CRLF2: variants seen among roughly 807,000 people sequenced by gnomAD.
CRLF2 encodes the protein cytokine receptor-like factor 2.
Under a neutral mutation model 38.7 loss-of-function variants are expected in CRLF2, and 41 were observed. The ratio of observed to expected loss-of-function variants is 1.06; its 90% CI spans 0.83 to 1.37. CRLF2 has a LOEUF of 1.37. CRLF2 is among the 40% of genes most tolerant of loss of function. The pLI, the probability that CRLF2 is intolerant of heterozygous loss-of-function variation, is 0.00. For missense variants in CRLF2, 377 were observed against 322.2 expected (o/e 1.17, Z -1.30); for synonymous variants, 140 against 128.8 (o/e 1.09, Z -0.59).
chrX:1,196,946 C>G, intron 5 of CRLF2, 46 bp from the exon 6 acceptor site: 1 of 1,582,894 alleles, frequency 6.3e-7, no homozygotes, highest in Non-Finnish European at 8.6e-7. Context: ...ACATGACGTG[C>G]GGCTGTACGT....
intron 1 of CRLF2, among the ~76,000 whole-genome samples, chrX:1,211,633 G>GTGGA (rs1204699923): frequency 7.5e-5 from 7 of 92,762 alleles, no homozygotes; most frequent in Admixed American, 2.3e-4. Flanking sequence ...GGATGGATGG[G>GTGGA]TGGATGGATG....
At chrX:1,197,616 C>G (rs1422861048) in intron 5 of CRLF2, among the ~76,000 whole-genome samples, 1 of 151,590 alleles carries the variant, frequency 6.6e-6, no homozygotes, top group Admixed American at 6.6e-5. Flanking sequence ...GAGTTCGAGA[C>G]CAGCCTGGCC....
chrX:1,209,424 C>G (rs1368260446), intron 1 of CRLF2, among the ~76,000 whole-genome samples: 1 of 151,614 alleles, frequency 6.6e-6, no homozygotes, highest in African/African-American at 2.4e-5. Context: ...CTCCGCCTCC[C>G]GGGTTCACGC....
rs559515570 is a variant in CRLF2 at position 1,205,054 on chromosome X, A to G, written c.349+1379T>C. ...GTTGGTGAGGCTGGTCTCGAACTCC[A>G]GACCTCAAGTGATCCGCCCGCCTTG... On this transcript the variant is annotated intron_variant, in intron 3 of 7. Transcript: ENST00000400841. 1.4e-4 allele frequency among the ~76,000 whole-genome samples: 21 copies of G among 152,116 alleles called. No individual in the cohort carries two copies. In the South Asian group the frequency reaches 4.1e-3, roughly 30 times the overall value.
Position 1,196,889 on chromosome X carries a change from C to G in CRLF2, c.658G>C (p.Glu220Gln), listed in dbSNP as rs1194883530. 6.2e-7 allele frequency: 1 copy of G among 1,613,228 alleles called. No individual in the cohort carries two copies. The highest frequency in any genetic ancestry group is 8.5e-7 in the Non-Finnish European group (1 of 1,179,610). The change falls in exon 6 of 8, where the codon GAG (glutamate) becomes CAG (glutamine). Residue 220 changes from glutamate (E) to glutamine (Q), a missense_variant. Glu to Gln is a conservative substitution (Grantham distance 29). Coordinates refer to ENST00000400841, the MANE Select transcript of CRLF2 (RefSeq NM_022148.4). ...TTTGGTTTGGGAGGCGTTGGTGTCT[C>G]TGCACAGGCATCTGAAACAAAATGA... is the stretch of plus-strand genomic sequence containing the variant. ...QRGEIRDACA[E>Q]TPTPPKPKLS...
At chrX:1,191,765 A>C (rs2086385028) in intron 7 of CRLF2, among the ~76,000 whole-genome samples, 1 of 151,560 alleles carries the variant, frequency 6.6e-6, no homozygotes, top group Non-Finnish European at 1.5e-5. Context: ...TCCCGACCTC[A>C]GGTGATCCAC....
chrX:1,197,123 C>T (rs1256650622), intron 5 of CRLF2, among the ~76,000 whole-genome samples: 1 of 133,226 alleles, frequency 7.5e-6, no homozygotes, highest in Non-Finnish European at 1.5e-5. Context: ...GACAGAACCT[C>T]ACTCTGTTGC....
At chrX:1,205,493 A>G (rs747985545) in intron 3 of CRLF2, among the ~76,000 whole-genome samples, 16 of 152,216 alleles carry the variant, frequency 1.1e-4, no homozygotes, top group Admixed American at 9.8e-4. Flanking sequence ...TTCAATTGTT[A>G]TGGTAATCAT....
At chrX:1,201,077 A>G (rs1300050822) in intron 4 of CRLF2, among the ~76,000 whole-genome samples, 1 of 152,142 alleles carries the variant, frequency 6.6e-6, no homozygotes, top group Non-Finnish European at 1.5e-5. Flanking sequence ...ACTGTACTGA[A>G]TACTGCAGAC....
In CRLF2 at chrX:1,190,885, G is replaced by A. The variant is rs2086362083; in HGVS notation, c.*12C>T. On this transcript the variant is annotated 3_prime_UTR_variant, in exon 8 of 8. Coordinates refer to ENST00000400841, the MANE Select transcript of CRLF2 (RefSeq NM_022148.4). ...GTGGATCCTGACGTTGACTTTGACA[G>A]TGGTGTGTCCATCACAACGCCACGT... is the stretch of plus-strand genomic sequence containing the variant. 2.5e-6 allele frequency: 1 copy of A among 398,564 alleles called. No homozygotes were observed. Among genetic ancestry groups the A allele is most frequent in the African/African-American group, 2.1e-5 (1 of 48,652 alleles). 24.7% of individuals were successfully genotyped at this position (398,564 alleles called of 1,614,324 possible).
In CRLF2 at chrX:1,192,216, A is replaced by AAAC. The variant is rs1318065074; in HGVS notation, c.852+1001_852+1002insGTT. 7.2e-5 allele frequency among the ~76,000 whole-genome samples: 10 copies of AAAC among 138,462 alleles called. No homozygotes were observed. In the South Asian group the frequency reaches 1.6e-3, roughly 23 times the overall value. 90.8% of individuals were successfully genotyped at this position (138,462 alleles called of 152,430 possible). A position where few individuals can be genotyped will look rare whatever the true frequency, so the allele number is the denominator to read the frequency against. On this transcript the variant is annotated intron_variant, in intron 7 of 7. Coordinates refer to ENST00000400841, the MANE Select transcript of CRLF2 (RefSeq NM_022148.4). Reference sequence around the variant, plus strand: ...CGAGACTCCGTCTCAAAAAAAAAAAAAAAACAAAAAAAACCTAGTTTGAGC... The same window carrying AAAC: ...CGAGACTCCGTCTCAAAAAAAAAAAAAACAAAACAAAAAAAACCTAGTTTGAGC...
chrX:1,198,530 G>C, intron 5 of CRLF2, 32 bp downstream of exon 5: 1 of 1,612,150 alleles, frequency 6.2e-7, no homozygotes, highest in South Asian at 1.1e-5. Context: ...TGGTGACAAG[G>C]CTATGGGACA....
At chrX:1,212,321 G>A (rs1387454528) in intron 1 of CRLF2, among the ~76,000 whole-genome samples, 2 of 150,428 alleles carry the variant, frequency 1.3e-5, no homozygotes, top group African/African-American at 2.5e-5. Flanking sequence ...TGGATATTCC[G>A]GGAGCAATAA....
At chrX:1,197,942 C>CA (rs2147830877) in intron 5 of CRLF2, among the ~76,000 whole-genome samples, 2 of 152,206 alleles carry the variant, frequency 1.3e-5, no homozygotes, top group South Asian at 4.2e-4. Context: ...ACAGATGTTG[C>CA]AGGGAGCCGA....
intron 7 of CRLF2, among the ~76,000 whole-genome samples, chrX:1,192,217 A>AAAC (rs1464159972): frequency 2.9e-5 from 4 of 138,560 alleles, no homozygotes; most frequent in Non-Finnish European, 4.7e-5. Flanking sequence ...AAAAAAAAAA[A>AAAC]AAACAAAAAA....
intron 4 of CRLF2, among the ~76,000 whole-genome samples, chrX:1,200,057 A>T (rs2086573496): frequency 1.6e-5 from 2 of 122,730 alleles, no homozygotes; most frequent in African/African-American, 5.7e-5. Flanking sequence ...ATGTGTGTAT[A>T]TAAGGTGTGT....
At chrX:1,191,592 C>T (rs1344592463) in intron 7 of CRLF2, among the ~76,000 whole-genome samples, 18 of 151,322 alleles carry the variant, frequency 1.2e-4, no homozygotes, top group East Asian at 9.9e-4. Flanking sequence ...AGTGCAACGG[C>T]GTGATCTCGG....
chrX:1,203,021 C>T (rs1311597424), intron 3 of CRLF2, among the ~76,000 whole-genome samples: 148 of 139,876 alleles, frequency 1.1e-3, no homozygotes, highest in Admixed American at 2.1e-3. Context: ...TCGCTTGAAC[C>T]GGGGAGGCGG....
At chrX:1,192,703 TTTTCTTTTCTTTCTTTCTTTCTTTC>T (rs1474949019) in intron 7 of CRLF2, among the ~76,000 whole-genome samples, 29 of 147,548 alleles carry the variant, frequency 2.0e-4, no homozygotes, top group African/African-American at 6.0e-4. Context: ...TTTTCTTTTC[TTTTCTTTTCTTTCTTTCTTTCTTTC>T]TTTCTTTCTT....
Sources: gnomAD v4.1 joint callset for allele counts (sites outside exome capture counted in the v4.1 genomes callset) on GRCh38, gnomAD v4.1.1 for gene constraint, MANE v1.5 for transcripts, NCBI Gene and HGNC (gene_info 2026-07-23, HGNC 2026-07-21) for gene names.